Variants in CDIN1 observed in about 807,000 individuals in gnomAD.
The protein encoded by CDIN1 is CDAN1 interacting nuclease 1.
CDIN1 carries 33 observed loss-of-function variants against 45.3 expected under a neutral mutation model. The ratio of observed to expected loss-of-function variants is 0.73; its 90% confidence interval spans 0.55 to 0.97. The LOEUF (loss-of-function observed/expected upper bound fraction) is 0.97. CDIN1 is among the 50% of genes least tolerant of loss of function. The pLI is 0.00. For missense variants in CDIN1, 303 were observed against 339.4 expected (o/e 0.89, Z 0.84); for synonymous variants, 118 against 124.4 (o/e 0.95, Z 0.34).
At chr15:36,672,353 T>G (rs1320116244) in intron 5 of CDIN1, among the ~76,000 whole-genome samples, 2 of 152,104 alleles carry the variant, frequency 1.3e-5, no homozygotes, top group African/African-American at 2.4e-5. Context: ...AATTTTCTTT[T>G]TCATTCAACA....
chr15:36,624,923 G>C (rs560989949), intron 1 of CDIN1, among the ~76,000 whole-genome samples: 2 of 152,112 alleles, frequency 1.3e-5, no homozygotes, highest in African/African-American at 4.8e-5. Flanking sequence ...AGAAAGATTA[G>C]TGGGGGCAGA....
chr15:36,653,411 G>T (rs577869985), intron 3 of CDIN1, among the ~76,000 whole-genome samples: 2 of 151,526 alleles, frequency 1.3e-5, no homozygotes, highest in African/African-American at 4.9e-5. Flanking sequence ...TTAATGTGGG[G>T]CCTTGAAGTG....
chr15:36,689,160 G>A (rs1295566376), intron 5 of CDIN1, among the ~76,000 whole-genome samples: 1 of 152,122 alleles, frequency 6.6e-6, no homozygotes, highest in African/African-American at 2.4e-5. Flanking sequence ...TCTTAATCCT[G>A]ATAAGCATAC....
chr15:36,598,182 G>T (rs546867992), intron 1 of CDIN1, among the ~76,000 whole-genome samples: 1 of 152,136 alleles, frequency 6.6e-6, no homozygotes, highest in South Asian at 2.1e-4. Context: ...AGTAGAGACG[G>T]GGTTTTGCTA....
chr15:36,628,733 C>G (rs552250370), intron 1 of CDIN1, among the ~76,000 whole-genome samples: 2 of 151,988 alleles, frequency 1.3e-5, no homozygotes, highest in African/African-American at 4.8e-5. Context: ...ATGGTGGTGG[C>G]CGAAAAGTAA....
chr15:36,798,398 T>G (rs2054892604), intron 10 of CDIN1, among the ~76,000 whole-genome samples: 1 of 152,222 alleles, frequency 6.6e-6, no homozygotes, highest in Non-Finnish European at 1.5e-5. Flanking sequence ...GTTTTGCTTT[T>G]GGGGACTAGG....
chr15:36,624,038 A>G (rs1308739528), intron 1 of CDIN1, among the ~76,000 whole-genome samples: 1 of 152,338 alleles, frequency 6.6e-6, no homozygotes, highest in East Asian at 1.9e-4. Flanking sequence ...CAGTGTTACC[A>G]TCTTCATTAT....
intron 10 of CDIN1, among the ~76,000 whole-genome samples, chr15:36,711,369 GCTTA>G (rs2043050561): frequency 6.6e-6 from 1 of 152,022 alleles, no homozygotes; most frequent in African/African-American, 2.4e-5. Flanking sequence ...AAATACTAGA[GCTTA>G]CTTCAAAATT....
At chr15:36,703,542 C>G (rs890004474) in intron 8 of CDIN1, among the ~76,000 whole-genome samples, 1 of 151,256 alleles carries the variant, frequency 6.6e-6, no homozygotes, top group Non-Finnish European at 1.5e-5. Context: ...GGTAGCAATG[C>G]CGGACAGGAT....
intron 5 of CDIN1, among the ~76,000 whole-genome samples, chr15:36,687,021 T>C (rs2042083267): frequency 9.8e-6 from 1 of 101,560 alleles, no homozygotes; most frequent in African/African-American, 4.0e-5. Context: ...TCCAAGAGAA[T>C]AGAAGGAAGG....
intron 10 of CDIN1, 92 bp from the exon 11 acceptor site, chr15:36,808,232 T>A (rs1207589123): frequency 6.5e-7 from 1 of 1,543,492 alleles, no homozygotes; most frequent in East Asian, 2.3e-5. Context: ...TGCAGTCCTG[T>A]CATTTAATCA....
intron 1 of CDIN1, among the ~76,000 whole-genome samples, chr15:36,603,418 A>T (rs560032456): frequency 1.3e-5 from 2 of 152,318 alleles, no homozygotes; most frequent in South Asian, 4.1e-4. Flanking sequence ...GTTACATTTT[A>T]AAGCATTTCT....
chr15:36,622,974 A>G (rs2039262546), intron 1 of CDIN1, among the ~76,000 whole-genome samples: 1 of 152,248 alleles, frequency 6.6e-6, no homozygotes, highest in African/African-American at 2.4e-5. Context: ...AAATGTATGG[A>G]GCTGCCAATG....
intron 10 of CDIN1, among the ~76,000 whole-genome samples, chr15:36,735,789 T>C (rs190093475): frequency 2.0e-3 from 310 of 152,320 alleles, no homozygotes; most frequent in African/African-American, 6.2e-3. Flanking sequence ...TTAATAATTT[T>C]TTTCCACTTG....
chr15:36,690,485 G>T (rs1473095083), intron 5 of CDIN1, among the ~76,000 whole-genome samples: 3 of 151,888 alleles, frequency 2.0e-5, no homozygotes, highest in Non-Finnish European at 4.4e-5. Flanking sequence ...AGCCAGGATG[G>T]TCTTGATCTC....
At chr15:36,774,163 T>TGCACGC (rs1555407089) in intron 10 of CDIN1, among the ~76,000 whole-genome samples, 3 of 143,070 alleles carry the variant, frequency 2.1e-5, no homozygotes, top group South Asian at 2.2e-4. Flanking sequence ...TGTGTGTGTG[T>TGCACGC]GCGCGCGCGC....
intron 10 of CDIN1, among the ~76,000 whole-genome samples, chr15:36,791,215 C>T (rs2054637401): frequency 6.6e-6 from 1 of 152,180 alleles, no homozygotes; most frequent in Admixed American, 6.5e-5. Context: ...ACTAGACCTA[C>T]ACAAAATAGC....
Position 36,808,866 on chromosome 15 carries a change from G to C in CDIN1, c.*413G>C. 1 of 456,106 alleles carries C rather than the reference G, an allele frequency of 2.2e-6. No individual in the cohort carries two copies. Among genetic ancestry groups the C allele is most frequent in the Non-Finnish European group, 4.4e-6 (1 of 226,896 alleles). The allele number at this position is 456,106 out of a possible 1,614,324, so 28.3% of individuals were successfully genotyped here. A position where few individuals can be genotyped will look rare whatever the true frequency, so the allele number is the denominator to read the frequency against. ...TTTTTTCCCTAAGCCTCCGTTCACT[G>C]TCTCTCCCTCTCCCTTTCTCTTCAT... On this transcript the variant is annotated 3_prime_UTR_variant, in exon 11 of 11. Transcript: ENST00000566621.
At chr15:36,632,628 G>T (rs773569735) in intron 1 of CDIN1, among the ~76,000 whole-genome samples, 4 of 152,172 alleles carry the variant, frequency 2.6e-5, no homozygotes, top group Non-Finnish European at 5.9e-5. Flanking sequence ...GATCCCCCAT[G>T]CATATGCATG....
Sources: gnomAD v4.1 joint callset for allele counts (sites outside exome capture counted in the v4.1 genomes callset) on GRCh38, gnomAD v4.1.1 for gene constraint, MANE v1.5 for transcripts, NCBI Gene and HGNC (gene_info 2026-07-23, HGNC 2026-07-21) for gene names.